Variants in TARS3 observed in about 807,000 individuals in gnomAD.
TARS3 encodes threonine--tRNA ligase 2, cytoplasmic.
Under a neutral mutation model 103.5 loss-of-function variants are expected in TARS3, and 94 were observed. The ratio of observed to expected loss-of-function variants is 0.91; its 90% CI spans 0.77 to 1.08. TARS3 has a LOEUF of 1.08. Among genes scored for constraint, TARS3 ranks in the 50% least tolerant of loss-of-function variants. TARS3 has a pLI of 0.00. For synonymous variants in TARS3, 416 were observed against 355.4 expected (o/e 1.17, Z -1.92); for missense variants, 952 against 995.2 (o/e 0.96, Z 0.58).
intron 10 of TARS3, among the ~76,000 whole-genome samples, chr15:101,686,965 A>G (rs1432063553): frequency 6.6e-6 from 1 of 152,036 alleles, no homozygotes; most frequent in Non-Finnish European, 1.5e-5. Flanking sequence ...TAACATTTTA[A>G]GATTACTAAC....
intron 12 of TARS3, among the ~76,000 whole-genome samples, chr15:101,678,315 T>C (rs1390971842): frequency 6.6e-6 from 1 of 152,234 alleles, no homozygotes; most frequent in African/African-American, 2.4e-5. Flanking sequence ...CAATCTCTTT[T>C]AATTGGTTTA....
At chr15:101,694,358 G>A (rs959039866) in intron 10 of TARS3, among the ~76,000 whole-genome samples, 14 of 152,206 alleles carry the variant, frequency 9.2e-5, no homozygotes, top group Middle Eastern at 3.2e-3. Flanking sequence ...GGTAGAATGC[G>A]GCCATATATT....
chr15:101,653,730 A>G lies in TARS3; in HGVS notation c.*852T>C. 6.6e-6 allele frequency: 1 copy of G among 152,246 alleles called. No individual in the cohort carries two copies. Among genetic ancestry groups the G allele is most frequent in the Non-Finnish European group, 1.5e-5 (1 of 68,020 alleles). 9.4% of individuals were successfully genotyped at this position (152,246 alleles called of 1,614,324 possible). A position where few individuals can be genotyped will look rare whatever the true frequency, so the allele number is the denominator to read the frequency against. ...AATTTCACAGCATATCGCAAAATAA[A>G]CAATACTTCTTGTTTGGTAGCTGAA... On this transcript the variant is annotated 3_prime_UTR_variant, in exon 19 of 19. Coordinates refer to ENST00000335968, the MANE Select transcript of TARS3 (RefSeq NM_152334.3).
At chr15:101,661,483 C>A (rs1455009772) in intron 16 of TARS3, among the ~76,000 whole-genome samples, 1 of 151,792 alleles carries the variant, frequency 6.6e-6, no homozygotes, top group South Asian at 2.1e-4. Flanking sequence ...TTATGCCACT[C>A]TCCCTTAGTT....
At chr15:101,720,922 G>A (rs918032693) in intron 3 of TARS3, among the ~76,000 whole-genome samples, 6 of 152,136 alleles carry the variant, frequency 3.9e-5, no homozygotes, top group Non-Finnish European at 7.4e-5. Flanking sequence ...CTTCTGCCAC[G>A]ACTGTAAGTT....
At chr15:101,691,097 C>T (rs767373716) in intron 10 of TARS3, among the ~76,000 whole-genome samples, 2 of 151,746 alleles carry the variant, frequency 1.3e-5, no homozygotes, top group Non-Finnish European at 2.9e-5. Flanking sequence ...CACCACCACG[C>T]CTGGCTAATT....
chr15:101,724,401 A>G lies in TARS3; in HGVS notation c.-14T>C, dbSNP rs1235306422. ...CTCGGCCGCCATCGCGGCCTCCCTC[A>G]GGCACCGACGCCGAGCGGGGTGCCC... On this transcript the variant is annotated 5_prime_UTR_variant, in exon 1 of 19. Coordinates refer to ENST00000335968, the MANE Select transcript of TARS3 (RefSeq NM_152334.3). 4 of 1,422,170 alleles carry G rather than the reference A, an allele frequency of 2.8e-6. No individual in the cohort carries two copies. The highest frequency in any genetic ancestry group is 3.2e-5 in the Admixed American group (1 of 31,576). The allele number at this position is 1,422,170 out of a possible 1,614,324, so 88.1% of individuals were successfully genotyped here.
chr15:101,701,003 GCTTGACCA>G (rs943756256), intron 10 of TARS3, 75 bp downstream of exon 10: 1 of 906,500 alleles, frequency 1.1e-6, no homozygotes, highest in Non-Finnish European at 1.6e-6. Flanking sequence ...TAATGGAAAC[GCTTGACCA>G]CTTTATTATG....
rs1567335719 is a variant in TARS3, at chr15:101,684,143, G to C, written c.1582C>G (p.Leu528Val). ...VLHRNELSGT[L>V]SGLTRVRRFQ... ...CGCCTCACTCTGGTCAAGCCGCTGA[G>C]AGTCCCCGACAGTTCATTTCTATGC... is the stretch of plus-strand genomic sequence containing the variant. The change falls in exon 12 of 19, where the codon CTC becomes GTC. Residue 528 changes from leucine (L) to valine (V), a missense_variant. Physicochemically the swap from Leu to Val is conservative, Grantham distance 32. Transcript: ENST00000335968. 6.2e-7 allele frequency: 1 copy of C among 1,613,996 alleles called. No individual in the cohort carries two copies. Among genetic ancestry groups the C allele is most frequent in the East Asian group, 2.2e-5 (1 of 44,876 alleles).
At chr15:101,722,975 T>C (rs1016213085) in intron 2 of TARS3, 118 bp downstream of exon 2, 1 of 973,548 alleles carries the variant, frequency 1.0e-6, no homozygotes, top group Non-Finnish European at 1.6e-6. Flanking sequence ...AATACACTAA[T>C]GTGACCCAAA....
In TARS3 at chr15:101,654,734, C is replaced by T. The variant is rs777885009; in HGVS notation, c.2261-4G>A. 3.1e-6 allele frequency: 5 copies of T among 1,612,586 alleles called. No individual in the cohort carries two copies. Among genetic ancestry groups the T allele is most frequent in the South Asian group, 1.1e-5 (1 of 90,800 alleles). ...ATCTTTTCCTTTTCTCCAACCACTG[C>T]AGAAAAGAAAGGTAAAGAAATGTAT... is the stretch of plus-strand genomic sequence containing the variant. On this transcript the variant is annotated splice_polypyrimidine_tract_variant and splice_region_variant and intron_variant, in intron 18 of 18. Coordinates refer to ENST00000335968, the MANE Select transcript of TARS3 (RefSeq NM_152334.3).
At chr15:101,665,209 A>G (rs924088382) in intron 15 of TARS3, among the ~76,000 whole-genome samples, 9 of 152,228 alleles carry the variant, frequency 5.9e-5, no homozygotes, top group African/African-American at 2.2e-4. Context: ...TTGCAAACCA[A>G]TAACTTACAG....
At chr15:101,697,433 C>T (rs1899035149) in intron 10 of TARS3, among the ~76,000 whole-genome samples, 1 of 152,108 alleles carries the variant, frequency 6.6e-6, no homozygotes, top group Non-Finnish European at 1.5e-5. Flanking sequence ...GGGAGACGTC[C>T]AGGCAGAATG....
At chr15:101,676,735 G>C (rs541352346) in intron 12 of TARS3, among the ~76,000 whole-genome samples, 65 of 151,714 alleles carry the variant, frequency 4.3e-4, no homozygotes, top group Middle Eastern at 6.8e-3. Flanking sequence ...TCGAACTCCT[G>C]GCCTCAAGTG....
intron 3 of TARS3, among the ~76,000 whole-genome samples, chr15:101,719,779 G>C (rs890461204): frequency 2.0e-5 from 3 of 152,218 alleles, no homozygotes; most frequent in Non-Finnish European, 4.4e-5. Context: ...AGATCAACAA[G>C]ATGGGAGGAA....
At chr15:101,684,978 C>G (rs1014352865) in intron 11 of TARS3, among the ~76,000 whole-genome samples, 4 of 152,202 alleles carry the variant, frequency 2.6e-5, no homozygotes, top group Admixed American at 6.5e-5. Context: ...ATGCAAAACA[C>G]TAGCATAGCT....
In TARS3 at chr15:101,655,893, A is replaced by G. The variant is rs186747642; in HGVS notation, c.2260+1029T>C. 2.3e-3 allele frequency: 2,925 copies of G among 1,288,780 alleles called. 9 individuals are homozygous for G. The highest frequency in any genetic ancestry group is 2.6e-3 in the Non-Finnish European group (2,580 of 988,324). The allele number at this position is 1,288,780 out of a possible 1,614,324, so 79.8% of individuals were successfully genotyped here. ...TGATGAGCCAAGGAGTGGACACCAGACCCATGCGAGCCAGCCAGAACTTTC... is the reference window on the plus strand; with the variant it reads ...TGATGAGCCAAGGAGTGGACACCAGGCCCATGCGAGCCAGCCAGAACTTTC... On this transcript the variant is annotated intron_variant, in intron 18 of 18. Transcript: ENST00000335968.
At chr15:101,700,238 T>A (rs577919626) in intron 10 of TARS3, among the ~76,000 whole-genome samples, 1 of 151,978 alleles carries the variant, frequency 6.6e-6, no homozygotes, top group African/African-American at 2.4e-5. Flanking sequence ...GGATCACCTG[T>A]GAACACTATC....
At chr15:101,661,652 AAATT>A (rs1284314431) in intron 16 of TARS3, 56 bp downstream of exon 16, 16 of 1,023,318 alleles carry the variant, frequency 1.6e-5, no homozygotes, top group African/African-American at 1.2e-4. Flanking sequence ...AAAAATGAGT[AAATT>A]AATAAAAATT....
Sources: gnomAD v4.1 joint callset for allele counts (sites outside exome capture counted in the v4.1 genomes callset) on GRCh38, gnomAD v4.1.1 for gene constraint, MANE v1.5 for transcripts, NCBI Gene and HGNC (gene_info 2026-07-23, HGNC 2026-07-21) for gene names.